Variants in CDH1 observed in about 807,000 individuals in gnomAD.
CDH1 encodes the protein cadherin-1.
In CDH1, 35 loss-of-function variants were observed where a neutral mutation model predicts 84.5. The observed-to-expected ratio is 0.41, with a 90% CI of 0.32 to 0.55. The LOEUF (loss-of-function observed/expected upper bound fraction) is 0.55. CDH1 is among the 20% of genes least tolerant of loss of function. The pLI is 0.19. For synonymous variants in CDH1, 417 were observed against 439.0 expected (o/e 0.95, Z 0.63); for missense variants, 994 against 1,126.6 (o/e 0.88, Z 1.68).
Position 68,808,494 on chromosome 16 carries a change from A to G in CDH1, c.458A>G (p.Lys153Arg). ...TCCTCTCCTGGCCTCAGAAGACAGAAGAGAGACTGGGTTATTCCTCCCATC... is the reference window on the plus strand; with the variant it reads ...TCCTCTCCTGGCCTCAGAAGACAGAGGAGAGACTGGGTTATTCCTCCCATC... ...PNSSPGLRRQ[K>R]RDWVIPPISC... Residue 153 changes from lysine to arginine, a missense_variant, in exon 4 of 16, where the codon AAG becomes AGG. Coordinates refer to ENST00000261769, the MANE Select transcript of CDH1 (RefSeq NM_004360.5). 6.2e-7 allele frequency: 1 copy of G among 1,614,176 alleles called. No individual in the cohort carries two copies. Among genetic ancestry groups the G allele is most frequent in the Non-Finnish European group, 8.5e-7 (1 of 1,180,008 alleles).
chr16:68,785,027 A>G (rs975257648), intron 2 of CDH1, among the ~76,000 whole-genome samples: 1 of 152,206 alleles, frequency 6.6e-6, no homozygotes, highest in African/African-American at 2.4e-5. Flanking sequence ...ACCATTGAAA[A>G]AAAAATAATC....
At chr16:68,790,620 C>A (rs1303549559) in intron 2 of CDH1, among the ~76,000 whole-genome samples, 1 of 152,148 alleles carries the variant, frequency 6.6e-6, no homozygotes, top group Non-Finnish European at 1.5e-5. Flanking sequence ...GGTGGGGAAG[C>A]AGTCCCCCTC....
At chr16:68,822,606 A>G in intron 12 of CDH1, 1 of 465,526 alleles carries the variant, frequency 2.1e-6, no homozygotes, top group African/African-American at 2.0e-5. Context: ...ATTCATCAGA[A>G]CTATTCTACC....
chr16:68,738,180 TG>T, intron 1 of CDH1, 116 bp from the exon 2 acceptor site: 2 of 684,178 alleles, frequency 2.9e-6, no homozygotes, highest in Non-Finnish European at 5.0e-6. Context: ...GGCTGCGGGC[TG>T]GGGTCCTCCC....
At chr16:68,745,143 G>T (rs974703124) in intron 2 of CDH1, among the ~76,000 whole-genome samples, 2 of 151,766 alleles carry the variant, frequency 1.3e-5, no homozygotes, top group South Asian at 4.2e-4. Context: ...GGCCGGGGGA[G>T]TCGGGATGAT....
At chr16:68,765,902 C>T (rs139879615) in intron 2 of CDH1, among the ~76,000 whole-genome samples, 1 of 152,236 alleles carries the variant, frequency 6.6e-6, no homozygotes, top group East Asian at 1.9e-4. Flanking sequence ...GAACCCTTCA[C>T]TTACTGGTAT....
chr16:68,748,961 T>A (rs1346793997), intron 2 of CDH1, among the ~76,000 whole-genome samples: 1 of 152,358 alleles, frequency 6.6e-6, no homozygotes, highest in Non-Finnish European at 1.5e-5. Flanking sequence ...TGCCTCACCC[T>A]CCTGAGTAGC....
intron 2 of CDH1, among the ~76,000 whole-genome samples, chr16:68,796,405 T>C (rs748318139): frequency 6.6e-6 from 1 of 152,092 alleles, no homozygotes; most frequent in Non-Finnish European, 1.5e-5. Flanking sequence ...CGTCTGAAAA[T>C]AATATAGAAG....
chr16:68,825,728 T>A (rs1418317788), intron 13 of CDH1, among the ~76,000 whole-genome samples: 1 of 151,598 alleles, frequency 6.6e-6, no homozygotes, highest in Non-Finnish European at 1.5e-5. Context: ...CACTTCCTAG[T>A]CAAATTACAT....
At chr16:68,788,027 A>AT (rs375345906) in intron 2 of CDH1, among the ~76,000 whole-genome samples, 1 of 151,996 alleles carries the variant, frequency 6.6e-6, no homozygotes, top group African/African-American at 2.4e-5. Flanking sequence ...AGGTTTCACC[A>AT]TGTTGGCCAG....
intron 15 of CDH1, among the ~76,000 whole-genome samples, chr16:68,832,558 G>A (rs1056508389): frequency 2.0e-5 from 3 of 152,014 alleles, no homozygotes; most frequent in Non-Finnish European, 2.9e-5. Flanking sequence ...AGTGGCTCAC[G>A]CCTGTAATCC....
intron 2 of CDH1, among the ~76,000 whole-genome samples, chr16:68,799,000 A>G (rs1960431225): frequency 6.6e-6 from 1 of 152,190 alleles, no homozygotes; most frequent in Admixed American, 6.5e-5. Flanking sequence ...TTTTTAACTT[A>G]GAAAATGTCA....
chr16:68,771,482 G>A lies in CDH1; in HGVS notation c.164-30188G>A, dbSNP rs371067261. On this transcript the variant is annotated intron_variant, in intron 2 of 15. Coordinates refer to ENST00000261769, the MANE Select transcript of CDH1 (RefSeq NM_004360.5). ...AAAAAAATTTTTTGTAGCCGGGCGC[G>A]GTGGCTCACGCCTGTAATCCCAGCA... is the stretch of plus-strand genomic sequence containing the variant. 3.9e-5 allele frequency among the ~76,000 whole-genome samples: 6 copies of A among 152,064 alleles called. No homozygotes were observed. The East Asian group carries it at 9.7e-4, about 25-fold the overall frequency.
Position 68,810,293 on chromosome 16 carries a change from T to G in CDH1, c.784T>G (p.Phe262Val), listed in dbSNP as rs1567505730. The G allele has an allele frequency of 1.2e-6, 2 of 1,614,104 alleles. No individual in the cohort carries two copies. Among genetic ancestry groups the G allele is most frequent in the Non-Finnish European group, 1.7e-6 (2 of 1,179,984 alleles). Residue 262 changes from phenylalanine to valine, a missense_variant, in exon 6 of 16, where the codon TTC becomes GTC. Physicochemically the swap from Phe to Val is conservative, Grantham distance 50. Coordinates refer to ENST00000261769, the MANE Select transcript of CDH1 (RefSeq NM_004360.5). ...VTDQNDNKPE[F>V]TQEVFKGSVM... ...CGATCAGAATGACAACAAGCCCGAA[T>G]TCACCCAGGAGGTCTTTAAGGGGTC...
At position 68,760,011 on chromosome 16, in the gene CDH1, C is replaced by T. The variant is rs116133932; in HGVS notation, c.163+21600C>T. On this transcript the variant is annotated intron_variant, in intron 2 of 15. Transcript: ENST00000261769. ...CTAAAATCCCCTTTTCCACCGTGCC[C>T]GGCTGAGTTTTTAAAATTCTAGTTT... 2.6e-3 allele frequency among the ~76,000 whole-genome samples: 390 copies of T among 151,774 alleles called. 2 individuals carry two copies. The highest frequency in any genetic ancestry group is 9.0e-3 in the African/African-American group (371 of 41,414).
At chr16:68,816,754 C>G (rs2034217372) in intron 10 of CDH1, among the ~76,000 whole-genome samples, 1 of 149,976 alleles carries the variant, frequency 6.7e-6, no homozygotes, top group Admixed American at 6.6e-5. Flanking sequence ...ATCTCAAAAA[C>G]AAAAAACAAA....
chr16:68,823,873 CTT>C (rs1254909445), intron 13 of CDH1, among the ~76,000 whole-genome samples: 2 of 151,968 alleles, frequency 1.3e-5, no homozygotes, highest in East Asian at 1.9e-4. Flanking sequence ...TACCTTGTCT[CTT>C]TTCATTCTTC....
intron 9 of CDH1, among the ~76,000 whole-genome samples, chr16:68,814,860 C>T (rs1051153797): frequency 6.6e-6 from 1 of 150,494 alleles, no homozygotes; most frequent in Non-Finnish European, 1.5e-5. Flanking sequence ...GTTGAAGCTG[C>T]ACTCAGCTAT....
At chr16:68,777,159 C>G (rs1959754986) in intron 2 of CDH1, among the ~76,000 whole-genome samples, 1 of 152,166 alleles carries the variant, frequency 6.6e-6, no homozygotes, top group African/African-American at 2.4e-5. Flanking sequence ...CATGGTGCTT[C>G]CTTCAGTCTT....
Sources: gnomAD v4.1 joint callset for allele counts (sites outside exome capture counted in the v4.1 genomes callset) on GRCh38, gnomAD v4.1.1 for gene constraint, MANE v1.5 for transcripts, NCBI Gene and HGNC (gene_info 2026-07-23, HGNC 2026-07-21) for gene names.